The following CSF2RA variants were observed in gnomAD, a reference collection of about 807,000 sequenced individuals.
CSF2RA encodes colony stimulating factor 2 receptor subunit alpha, also known as granulocyte-macrophage colony-stimulating factor receptor subunit alpha.
Under a neutral mutation model 51.6 loss-of-function variants are expected in CSF2RA, and 42 were observed. The ratio of observed to expected loss-of-function variants is 0.81; its 90% CI spans 0.64 to 1.05. CSF2RA has a LOEUF of 1.05. CSF2RA is among the 50% of genes least tolerant of loss of function. CSF2RA has a pLI of 0.00. For missense variants in CSF2RA, 530 were observed against 501.1 expected (o/e 1.06, Z -0.55); for synonymous variants, 222 against 193.0 (o/e 1.15, Z -1.24).
At chrX:1,287,635 G>T (rs1278743654) in intron 4 of CSF2RA, among the ~76,000 whole-genome samples, 1 of 143,224 alleles carries the variant, frequency 7.0e-6, no homozygotes, top group Admixed American at 7.1e-5. Context: ...GTAGAGACGG[G>T]GTTTCACCAT....
rs1468763326 is a variant in CSF2RA, at chrX:1,282,514, T to A, written c.-26-164T>A. On this transcript the variant is annotated intron_variant, in intron 2 of 12. Coordinates refer to ENST00000381529, the MANE Select transcript of CSF2RA (RefSeq NM_172245.4). ...TAATCCCATGTGGGAGACAGAATAA[T>A]GGCCCTGCAGACCTTCCCAGCTGGC... 5.8e-6 allele frequency: 4 copies of A among 685,376 alleles called. No homozygotes were observed. In the East Asian group the frequency reaches 1.0e-4, roughly 18 times the overall value. 42.5% of individuals were successfully genotyped at this position (685,376 alleles called of 1,614,324 possible).
intron 6 of CSF2RA, among the ~76,000 whole-genome samples, chrX:1,289,676 G>C (rs1272317512): frequency 7.0e-6 from 1 of 142,536 alleles, no homozygotes; most frequent in Admixed American, 7.0e-5. Context: ...TTTTTGTTTT[G>C]TGTTGTGTTT....
At chrX:1,277,992 AAT>A (rs1491346865) in intron 2 of CSF2RA, among the ~76,000 whole-genome samples, 1 of 138,980 alleles carries the variant, frequency 7.2e-6, no homozygotes, top group Non-Finnish European at 1.6e-5. Flanking sequence ...AAAAAAAAAA[AAT>A]TTCAGGGCGA....
chrX:1,316,768 C>T, the CSF2RA span, among the ~76,000 whole-genome samples: 13 of 152,300 alleles, frequency 8.5e-5, no homozygotes, highest in African/African-American at 1.2e-4. Context: ...TGAGTCATGC[C>T]GTGGGGAGCA....
At chrX:1,295,913 T>C (rs28669733) in intron 9 of CSF2RA, among the ~76,000 whole-genome samples, 78,882 of 111,912 alleles carry the variant, frequency 0.7, 26,936 homozygotes, top group Middle Eastern at 0.74. Flanking sequence ...CCCCTACCGA[T>C]GACCTCCAGC....
At chrX:1,272,024 G>C (rs772001388) in intron 1 of CSF2RA, among the ~76,000 whole-genome samples, 1 of 150,984 alleles carries the variant, frequency 6.6e-6, no homozygotes, top group African/African-American at 2.4e-5. Context: ...CATGATCTCG[G>C]CTCACTGCAA....
At chrX:1,308,476 A>C (rs1442050689) in intron 12 of CSF2RA, among the ~76,000 whole-genome samples, 1 of 151,768 alleles carries the variant, frequency 6.6e-6, no homozygotes, top group Non-Finnish European at 1.5e-5. Flanking sequence ...AGGGTGAGAG[A>C]CTTGCGTGAC....
At chrX:1,297,979 GACCCCTGGCA>G (rs2092088094) in intron 9 of CSF2RA, among the ~76,000 whole-genome samples, 14 of 42,452 alleles carry the variant, frequency 3.3e-4, no homozygotes, top group Non-Finnish European at 3.2e-4. Flanking sequence ...TCCTACCCAT[GACCCCTGGCA>G]GAACCCTACA....
rs1212753746 is a variant in CSF2RA, at chrX:1,309,387, C to T, written c.1126-15C>T. 8.7e-6 allele frequency: 14 copies of T among 1,613,518 alleles called. No homozygotes were observed. The highest frequency in any genetic ancestry group is 1.2e-5 in the Non-Finnish European group (14 of 1,179,526). On this transcript the variant is annotated splice_polypyrimidine_tract_variant and intron_variant, in intron 12 of 12. Transcript: ENST00000381529. The stretch of plus-strand genomic sequence containing the variant: ...CTCGTGAAGATCTGACAGCCTGAAC[C>T]CTCCTTTTTCTCAGATCATCTGGGA...
At chrX:1,280,731 C>T (rs764582306) in intron 2 of CSF2RA, among the ~76,000 whole-genome samples, 176 of 147,676 alleles carry the variant, frequency 1.2e-3, no homozygotes, top group African/African-American at 4.3e-3. Context: ...CTTCTTCTTC[C>T]TCCTCCTTCT....
intron 11 of CSF2RA, among the ~76,000 whole-genome samples, chrX:1,304,313 TCGCTTGAACC>T (rs2083319595): frequency 1.1e-5 from 1 of 94,668 alleles, no homozygotes; most frequent in Non-Finnish European, 2.0e-5. Context: ...GGCAGGAGAA[TCGCTTGAACC>T]CGGGAGGTGG....
chrX:1,323,091 C>T, the CSF2RA span, among the ~76,000 whole-genome samples: 164 of 150,458 alleles, frequency 1.1e-3, 1 homozygote, highest in African/African-American at 2.8e-3. Context: ...ATCGCGCCAC[C>T]GCACTCCAGC....
At chrX:1,280,961 C>CTTCTCCTCCTCCTCCTTCTCCTCCTCCTT (rs2089902512) in intron 2 of CSF2RA, among the ~76,000 whole-genome samples, 1 of 69,644 alleles carries the variant, frequency 1.4e-5, no homozygotes, top group Non-Finnish European at 3.0e-5. Flanking sequence ...TCCTCCTCCT[C>CTTCTCCTCCTCCTCCTTCTCCTCCTCCTT]CTTCTCCTCC....
intron 10 of CSF2RA, among the ~76,000 whole-genome samples, chrX:1,303,621 C>A (rs1185283715): frequency 2.0e-5 from 3 of 152,128 alleles, no homozygotes; most frequent in African/African-American, 2.4e-5. Context: ...GGTGATCCTC[C>A]CGTGTCGGCC....
In CSF2RA at chrX:1,294,338, C is replaced by T; in HGVS notation, c.657C>T (p.Asn219=). 3 of 1,613,568 alleles carry T rather than the reference C, an allele frequency of 1.9e-6. No individual in the cohort carries two copies. The highest frequency in any genetic ancestry group is 2.5e-6 in the Non-Finnish European group (3 of 1,179,854). The change falls in exon 8 of 13, where the codon AAC becomes AAT. Residue 219 remains asparagine, a synonymous_variant. Coordinates refer to ENST00000381529, the MANE Select transcript of CSF2RA (RefSeq NM_172245.4). ...GCGCCCTCGTTACAGAACGATTCAACCCTCCCAGCAATGTCACCGTACGTT... is the reference window on the plus strand; with the variant it reads ...GCGCCCTCGTTACAGAACGATTCAATCCTCCCAGCAATGTCACCGTACGTT... ...LLDTKKIERF[N]PPSNVTVRCN...
intron 2 of CSF2RA, among the ~76,000 whole-genome samples, chrX:1,276,113 G>A (rs1188770060): frequency 1.2e-4 from 18 of 151,952 alleles, no homozygotes; most frequent in Non-Finnish European, 2.4e-4. Context: ...CAATTCTCCC[G>A]CCTCAGCCTC....
chrX:1,278,346 A>G (rs1271999370), intron 2 of CSF2RA, among the ~76,000 whole-genome samples: 9 of 147,062 alleles, frequency 6.1e-5, no homozygotes, highest in African/African-American at 1.3e-4. Context: ...AAAACAAAAG[A>G]TTTCAGGGCG....
At chrX:1,299,835 G>T (rs1483803084) in intron 9 of CSF2RA, among the ~76,000 whole-genome samples, 10 of 152,054 alleles carry the variant, frequency 6.6e-5, no homozygotes, top group Non-Finnish European at 1.5e-4. Flanking sequence ...GGAGAATGGC[G>T]TGAACCCGGG....
chrX:1,290,270 T>C (rs2091278064), intron 6 of CSF2RA, 67 bp from the exon 7 acceptor site: 1 of 1,306,806 alleles, frequency 7.7e-7, no homozygotes, highest in Non-Finnish European at 1.1e-6. Context: ...TGTTTTTGTT[T>C]TGTTTTGTGT....
Sources: gnomAD v4.1 joint callset for allele counts (sites outside exome capture counted in the v4.1 genomes callset) on GRCh38, gnomAD v4.1.1 for gene constraint, MANE v1.5 for transcripts, NCBI Gene and HGNC (gene_info 2026-07-23, HGNC 2026-07-21) for gene names.